GPAT2: variants seen among roughly 807,000 people sequenced by gnomAD.
GPAT2 encodes the protein 1-acylglycerol-3-phosphate O-acyltransferase GPAT2.
In GPAT2, 51 loss-of-function variants were observed where a neutral mutation model predicts 71.0. The ratio of observed to expected loss-of-function variants is 0.72; its 90% CI spans 0.57 to 0.91. The LOEUF is 0.91. Ranked by LOEUF, GPAT2 falls within the 40% of genes least tolerant of loss-of-function variation. The probability of loss-of-function intolerance (pLI) is 0.00; values close to 1 mark genes in which losing one functional copy is unlikely to be tolerated. For synonymous variants in GPAT2, 222 were observed against 290.3 expected, an observed-to-expected ratio of 0.76 and a Z score of 2.39; for missense variants, 511 against 666.0, an observed-to-expected ratio of 0.77 and a Z score of 2.56.
intron 13 of GPAT2, 69 bp from the exon 14 acceptor site, chr2:96,024,912 A>C: frequency 6.4e-7 from 1 of 1,564,036 alleles, no homozygotes; most frequent in Non-Finnish European, 8.8e-7. Context: ...TCCATGATCT[A>C]GCAAGTCTTC....
chr2:96,025,767 C>G lies in GPAT2; in HGVS notation c.1238+163G>C, dbSNP rs1343640418. Among the ~76,000 whole-genome samples, 5 of 152,214 alleles carry G rather than the reference C, an allele frequency of 3.3e-5. No individual in the cohort carries two copies. The South Asian group carries it at 8.3e-4, about 25-fold the overall frequency. On this transcript the variant is annotated intron_variant, in intron 12 of 21. Coordinates refer to ENST00000434632, the MANE Select transcript of GPAT2 (RefSeq NM_001321527.2). ...CCATCCAGGCCTCTGTGCCATACCC[C>G]ACACTCAGACTGTTGGCAAGGCGAG...
At position 96,024,509 on chromosome 2, in the gene GPAT2, C is replaced by T; in HGVS notation, c.1605G>A (p.Val535=). ...LRIRQGDLLV[V]PQPGPGLTHL... is the part of the protein sequence containing the mutation. Reference sequence around the variant, plus strand: ...GTGTGAGGCCTGGGCCAGGCTGCGGCACCACCAGCAAGTCACCCTGACGGA... The same window carrying T: ...GTGTGAGGCCTGGGCCAGGCTGCGGTACCACCAGCAAGTCACCCTGACGGA... The change falls in exon 15 of 22, where the codon GTG becomes GTA. Residue 535 remains valine, a synonymous_variant. Transcript: ENST00000434632. The T allele has an allele frequency of 6.2e-7, 1 of 1,613,928 alleles. No homozygotes were observed. Among genetic ancestry groups the T allele is most frequent in the Non-Finnish European group, 8.5e-7 (1 of 1,179,966 alleles).
At chr2:96,023,508 G>T in intron 17 of GPAT2, 68 bp from the exon 18 acceptor site, 1 of 1,530,118 alleles carries the variant, frequency 6.5e-7, no homozygotes, top group Non-Finnish European at 9.0e-7. Flanking sequence ...CCCAGACCAG[G>T]TACATGCAGG....
Position 96,026,195 on chromosome 2 carries a change from G to T in GPAT2, c.1143C>A (p.Pro381=), listed in dbSNP as rs1283804598. The change falls in exon 11 of 22, where the codon CCC becomes CCA. Residue 381 remains proline (P), a synonymous_variant. Coordinates refer to ENST00000434632, the MANE Select transcript of GPAT2 (RefSeq NM_001321527.2). ...RICSRVHLAQ[P]FSLQEYIVSA... The stretch of plus-strand genomic sequence containing the variant: ...GCTGGCTCCATACCTGCAGGGAAAA[G>T]GGCTGAGCTAGGTGCACCCGGGAGC... 6.2e-7 allele frequency: 1 copy of T among 1,609,692 alleles called. No homozygotes were observed.
rs1558678550 is a variant in GPAT2, at chr2:96,022,731, G to C, written c.2234-8C>G. On this transcript the variant is annotated splice_polypyrimidine_tract_variant and splice_region_variant and intron_variant, in intron 20 of 21. Transcript: ENST00000434632. ...GCTTTGGGTCCGCACACTCTGGAAA[G>C]AAGAGAGAAGTGAAGGCTCTAGGTA... 1 of 1,614,004 alleles carries C rather than the reference G, an allele frequency of 6.2e-7. No homozygotes were observed. The highest frequency in any genetic ancestry group is 2.2e-5 in the East Asian group (1 of 44,890).
intron 1 of GPAT2, among the ~76,000 whole-genome samples, chr2:96,034,067 A>G (rs1333679311): frequency 6.7e-6 from 1 of 150,350 alleles, no homozygotes; most frequent in African/African-American, 2.4e-5. Flanking sequence ...ACACACATAT[A>G]TACATATAAT....
rs750293059 is a variant in GPAT2, at chr2:96,022,191, C to A, written c.2374G>T (p.Glu792Ter). 7.4e-6 allele frequency: 12 copies of A among 1,611,038 alleles called. No homozygotes were observed. Among genetic ancestry groups the A allele is most frequent in the Non-Finnish European group, 9.3e-6 (11 of 1,179,420 alleles). ...CAAATGAACTGCCGGATGAACTGTT[C>A]TAGTTTTTCCTGATTGTCCAGGCTG... ...FASLDNQEKL[E>*]QFIRQFICS Residue 792 changes from glutamate to a stop codon, truncating the protein, a stop_gained, in exon 22 of 22, where the codon GAA (glutamate) becomes TAA (stop). Transcript: ENST00000434632. LOFTEE classifies it high-confidence loss of function.
intron 6 of GPAT2, 120 bp downstream of exon 6, chr2:96,030,285 TG>T: frequency 1.9e-6 from 1 of 520,104 alleles, no homozygotes; most frequent in Non-Finnish European, 3.6e-6. Context: ...CAGCCCACTC[TG>T]GTAAACACTA....
chr2:96,022,287 A>G lies in GPAT2; in HGVS notation c.2290-12T>C. The G allele has an allele frequency of 6.3e-7, 1 of 1,582,834 alleles. No individual in the cohort carries two copies. Among genetic ancestry groups the G allele is most frequent in the Non-Finnish European group, 8.6e-7 (1 of 1,163,430 alleles). Reference sequence around the variant, plus strand: ...GTCTGCTGCAGAACCTGGGCCATGGAAGATAAGCCGTGAGTGCGCTCACCA... The same window carrying G: ...GTCTGCTGCAGAACCTGGGCCATGGGAGATAAGCCGTGAGTGCGCTCACCA... On this transcript the variant is annotated splice_polypyrimidine_tract_variant and intron_variant, in intron 21 of 21. Coordinates refer to ENST00000434632, the MANE Select transcript of GPAT2 (RefSeq NM_001321527.2).
Position 96,025,952 on chromosome 2 carries a change from G to A in GPAT2, c.1216C>T (p.Gln406Ter), listed in dbSNP as rs2104648849. ...GGRQTLEQLLQPIVLGQCTAV... is the reference protein window; with the variant it reads ...GGRQTLEQLL ...TACCATTGGCCCAGCACGATGGGCT[G>A]CAGTAGCTGCTCCAGGGTCTGTCTG... Residue 406 changes from glutamine to a stop codon, truncating the protein, a stop_gained, in exon 12 of 22, where the codon CAG (glutamine) becomes TAG (stop). Coordinates refer to ENST00000434632, the MANE Select transcript of GPAT2 (RefSeq NM_001321527.2). LOFTEE classifies it high-confidence loss of function. 3 of 1,612,446 alleles carry A rather than the reference G, an allele frequency of 1.9e-6. No homozygotes were observed. Among genetic ancestry groups the A allele is most frequent in the Non-Finnish European group, 2.5e-6 (3 of 1,179,760 alleles).
chr2:96,034,095 TAC>T (rs1169303777), intron 1 of GPAT2, among the ~76,000 whole-genome samples: 60 of 146,200 alleles, frequency 4.1e-4, no homozygotes, highest in South Asian at 1.7e-3. Flanking sequence ...TACATATATA[TAC>T]ACACACACAC....
At position 96,025,940 on chromosome 2, in the gene GPAT2, G is replaced by C; in HGVS notation, c.1228C>G (p.Leu410Val). Reference protein sequence around the residue: ...TLEQLLQPIVLGQCTAVPDTE... With the variant: ...TLEQLLQPIVVGQCTAVPDTE... ...CTCCTGTGCCCCTACCATTGGCCCA[G>C]CACGATGGGCTGCAGTAGCTGCTCC... The change falls in exon 12 of 22, where the codon CTG (leucine) becomes GTG (valine). Residue 410 changes from leucine (L) to valine (V), a missense_variant. Leu to Val is a conservative substitution (Grantham distance 32, BLOSUM62 1). Transcript: ENST00000434632. 1.2e-6 allele frequency: 2 copies of C among 1,612,312 alleles called. No individual in the cohort carries two copies. The highest frequency in any genetic ancestry group is 1.7e-6 in the Non-Finnish European group (2 of 1,179,732).
intron 20 of GPAT2, 107 bp from the exon 21 acceptor site, chr2:96,022,830 G>A: frequency 1.2e-6 from 2 of 1,612,958 alleles, no homozygotes; most frequent in South Asian, 1.1e-5. Flanking sequence ...ATAGAGCTCT[G>A]ACTGGACAGA....
chr2:96,024,952 G>A (rs933311958), intron 13 of GPAT2, 109 bp from the exon 14 acceptor site: 2 of 1,235,280 alleles, frequency 1.6e-6, no homozygotes, highest in Non-Finnish European at 2.4e-6. Flanking sequence ...CCACCCCAGG[G>A]ATGAGGAACG....
chr2:96,026,066 A>G lies in GPAT2; in HGVS notation c.1156-54T>C, dbSNP rs1680373251. 5.6e-6 allele frequency: 9 copies of G among 1,602,640 alleles called. No individual in the cohort carries two copies. The Admixed American group carries it at 1.5e-4, about 27-fold the overall frequency. ...TGCTCGGGCCCACCAGGAAACTTGC[A>G]CACAGCCCACTGGAAGTAGGCAAAG... On this transcript the variant is annotated intron_variant, in intron 11 of 21. Coordinates refer to ENST00000434632, the MANE Select transcript of GPAT2 (RefSeq NM_001321527.2).
rs749749950 is a variant in GPAT2, at chr2:96,022,953, C to T, written c.2233+5G>A. On this transcript the variant is annotated splice_donor_5th_base_variant and intron_variant, in intron 20 of 21. Transcript: ENST00000434632. ...AGGAGCCTGGGCTGACTGGTTGGGA[C>T]TCACCGAAGATCCCTTCTTCCTGGG... 1 of 1,613,828 alleles carries T rather than the reference C, an allele frequency of 6.2e-7. No homozygotes were observed. The highest frequency in any genetic ancestry group is 8.5e-7 in the Non-Finnish European group (1 of 1,179,876).
rs558502472 is a variant in GPAT2, at chr2:96,022,363, T to C, written c.2290-88A>G. ...GGGCCAGGCCTGTCCCCCAGAAACC[T>C]GCCTTGAGACCTCTGGCCCCTTAGA... On this transcript the variant is annotated intron_variant, in intron 21 of 21. Transcript: ENST00000434632. 8.3e-5 allele frequency: 118 copies of C among 1,428,282 alleles called. No individual in the cohort carries two copies. The African/African-American group carries it at 1.5e-3, about 18-fold the overall frequency. 88.5% of individuals were successfully genotyped at this position (1,428,282 alleles called of 1,614,324 possible).
rs559426994 is a variant in GPAT2, at chr2:96,024,656, C to T, written c.1458G>A (p.Glu486=). The T allele has an allele frequency of 5.0e-6, 8 of 1,613,804 alleles. No homozygotes were observed. The highest frequency in any genetic ancestry group is 1.1e-5 in the South Asian group (1 of 91,086). Residue 486 remains glutamate, a synonymous_variant, in exon 15 of 22, where the codon GAG becomes GAA. Coordinates refer to ENST00000434632, the MANE Select transcript of GPAT2 (RefSeq NM_001321527.2). ...KGVFLSQLLG[E]FSWLTEEILL... is the part of the protein sequence containing the mutation. ...GTATCTCCTCCGTCAGCCAGGAGAA[C>T]TCCCCCAGGAGCTGCGACAGGAACA... is the stretch of plus-strand genomic sequence containing the variant.
rs764184111 is a variant in GPAT2, at chr2:96,025,552, C to T, written c.1290G>A (p.Gly430=). Residue 430 remains glycine (G), a synonymous_variant, in exon 13 of 22, where the codon GGG becomes GGA. Coordinates refer to ENST00000434632, the MANE Select transcript of GPAT2 (RefSeq NM_001321527.2). ...CCTCTTCCTTGAGGGCCAGGAGAGG[C>T]CCAGTTATGGGGGTCCACTCCTGCT... The part of the protein sequence containing the change: ...EKEQEWTPIT[G]PLLALKEEDQ... 5 of 1,569,362 alleles carry T rather than the reference C, an allele frequency of 3.2e-6. No individual in the cohort carries two copies. The highest frequency in any genetic ancestry group is 4.3e-6 in the Non-Finnish European group (5 of 1,157,724).
Sources: gnomAD v4.1 joint callset for allele counts (sites outside exome capture counted in the v4.1 genomes callset) on GRCh38, gnomAD v4.1.1 for gene constraint, MANE v1.5 for transcripts, NCBI Gene and HGNC (gene_info 2026-07-23, HGNC 2026-07-21) for gene names.